The following TMED1 variants were observed in gnomAD, a reference collection of about 807,000 sequenced individuals.
The protein encoded by TMED1 is transmembrane emp24 domain-containing protein 1.
TMED1 carries 20 observed loss-of-function variants against 21.2 expected under a neutral mutation model. That is an observed-to-expected ratio of 0.95 (90% CI 0.67 to 1.37). The LOEUF is 1.37. Among genes scored for constraint, TMED1 ranks in the 40% most tolerant of loss-of-function variants. The pLI is 0.00. For missense variants in TMED1, 316 were observed against 309.8 expected, an observed-to-expected ratio of 1.02 and a Z score of -0.15; for synonymous variants, 149 against 134.7, an observed-to-expected ratio of 1.11 and a Z score of -0.74.
chr19:10,835,395 C>A, intron 1 of TMED1, 42 bp from the exon 2 acceptor site: 1 of 1,608,908 alleles, frequency 6.2e-7, no homozygotes, highest in Non-Finnish European at 8.5e-7. Flanking sequence ...AGCGGTAGGC[C>A]AAGGGCGCCT....
chr19:10,832,663 C>A lies in TMED1; in HGVS notation c.*332G>T. 1.7e-6 allele frequency: 1 copy of A among 578,218 alleles called. No individual in the cohort carries two copies. The highest frequency in any genetic ancestry group is 3.1e-6 in the Non-Finnish European group (1 of 325,126). 35.8% of individuals were successfully genotyped at this position (578,218 alleles called of 1,614,324 possible). ...GGTTTCCTTGTTAGGCCCTGCCCCG[C>A]ACCAGGCAACGCTAACACAGGATGG... On this transcript the variant is annotated 3_prime_UTR_variant, in exon 4 of 4. Coordinates refer to ENST00000214869, the MANE Select transcript of TMED1 (RefSeq NM_006858.4).
intron 1 of TMED1, chr19:10,835,568 C>A (rs909036184): frequency 2.8e-6 from 4 of 1,432,504 alleles, no homozygotes; most frequent in Middle Eastern, 2.6e-4. Context: ...TTCAGCTGAC[C>A]ACGCACCTAC....
chr19:10,835,767 T>C (rs1385204407), intron 1 of TMED1: 46 of 1,419,716 alleles, frequency 3.2e-5, no homozygotes, highest in Non-Finnish European at 4.0e-5. Context: ...AGAGGCTCCC[T>C]ATACTTATCG....
In TMED1 at chr19:10,833,214, C is replaced by CT. The variant is rs764233704; in HGVS notation, c.466-2dup. 6.2e-7 allele frequency: 1 copy of CT among 1,609,222 alleles called. No homozygotes were observed. The highest frequency in any genetic ancestry group is 8.5e-7 in the Non-Finnish European group (1 of 1,177,354). ...GGGTCCGCATGGTCTCAATGGACTCCTACAGGGCAGCGGGAGGGGAAGGGT... is the reference window on the plus strand; with the variant it reads ...GGGTCCGCATGGTCTCAATGGACTCCTTACAGGGCAGCGGGAGGGGAAGGGT... On this transcript the variant is annotated splice_acceptor_variant, in intron 3 of 3. Transcript: ENST00000214869. LOFTEE classifies it high-confidence loss of function.
chr19:10,832,661 C>A lies in TMED1; in HGVS notation c.*334G>T. 1 of 576,330 alleles carries A rather than the reference C, an allele frequency of 1.7e-6. No individual in the cohort carries two copies. Among genetic ancestry groups the A allele is most frequent in the Non-Finnish European group, 3.1e-6 (1 of 323,828 alleles). The allele number at this position is 576,330 out of a possible 1,614,324, so 35.7% of individuals were successfully genotyped here. On this transcript the variant is annotated 3_prime_UTR_variant, in exon 4 of 4. Coordinates refer to ENST00000214869, the MANE Select transcript of TMED1 (RefSeq NM_006858.4). ...CAGGTTTCCTTGTTAGGCCCTGCCC[C>A]GCACCAGGCAACGCTAACACAGGAT...
At chr19:10,835,674 G>C in intron 1 of TMED1, 1 of 1,397,892 alleles carries the variant, frequency 7.2e-7, no homozygotes, top group Non-Finnish European at 9.3e-7. Context: ...TCTAACCCCC[G>C]AGAAAGGCCT....
chr19:10,835,438 TCAATACAGACCAC>T, intron 1 of TMED1, 85 bp from the exon 2 acceptor site: 2 of 1,579,966 alleles, frequency 1.3e-6, no homozygotes, highest in Non-Finnish European at 1.7e-6. Context: ...CCAACACTGA[TCAATACAGACCAC>T]CAAGGGCTTA....
At position 10,835,487 on chromosome 19, in the gene TMED1, G is replaced by A. The variant is rs962284363; in HGVS notation, c.184-134C>T. The A allele has an allele frequency of 2.7e-6, 4 of 1,483,462 alleles. No individual in the cohort carries two copies. The African/African-American group carries it at 4.2e-5, about 15-fold the overall frequency. 91.9% of individuals were successfully genotyped at this position (1,483,462 alleles called of 1,614,324 possible). Reference sequence around the variant, plus strand: ...CCTGAACGGCGGCACACCCACACCCGCCCCAACCTGTCCCAGTGGCTGCGC... The same window carrying A: ...CCTGAACGGCGGCACACCCACACCCACCCCAACCTGTCCCAGTGGCTGCGC... On this transcript the variant is annotated intron_variant, in intron 1 of 3. Transcript: ENST00000214869.
chr19:10,835,808 T>C (rs1237820135), intron 1 of TMED1: 16 of 982,762 alleles, frequency 1.6e-5, no homozygotes, highest in Non-Finnish European at 1.9e-5. Flanking sequence ...TCTCTTACTC[T>C]AGCCCCGCCT....
rs762229103 is a variant in TMED1 at position 10,836,129 on chromosome 19, C to A, written c.63G>T (p.Val21=). The change falls in exon 1 of 4, where the codon GTG becomes GTT. Residue 21 remains valine, a synonymous_variant. Transcript: ENST00000214869. ...GGATTGGCGGGGGCCCCGCCCCTCC[C>A]ACCTCCACTGGTGGCATTAGTAGCC... ...ALWLLMPPVE[V]GGAGPPPIQD... is the part of the protein sequence containing the mutation. 3.6e-5 allele frequency: 57 copies of A among 1,570,304 alleles called. No individual in the cohort carries two copies. Among genetic ancestry groups the A allele is most frequent in the Non-Finnish European group, 4.7e-5 (55 of 1,159,016 alleles).
At chr19:10,835,962 G>A (rs756392257) in intron 1 of TMED1, 47 bp downstream of exon 1, 7 of 1,517,790 alleles carry the variant, frequency 4.6e-6, no homozygotes, top group Non-Finnish European at 6.2e-6. Flanking sequence ...GCTTGGCCAC[G>A]CCCCCTCTCC....
chr19:10,832,489 T>G lies in TMED1; in HGVS notation c.*506A>C. The G allele has an allele frequency of 2.8e-6, 2 of 714,546 alleles. No homozygotes were observed. The highest frequency in any genetic ancestry group is 4.1e-6 in the Non-Finnish European group (2 of 487,114). The allele number at this position is 714,546 out of a possible 1,614,324, so 44.3% of individuals were successfully genotyped here. Reference sequence around the variant, plus strand: ...TCCAATGCCCAGGCCACACCACCCTTTGTTATAGGAGGCTTCTGCCTAGAC... The same window carrying G: ...TCCAATGCCCAGGCCACACCACCCTGTGTTATAGGAGGCTTCTGCCTAGAC... On this transcript the variant is annotated 3_prime_UTR_variant, in exon 4 of 4. Coordinates refer to ENST00000214869, the MANE Select transcript of TMED1 (RefSeq NM_006858.4).
At chr19:10,834,454 C>CTT (rs769963664) in intron 3 of TMED1, among the ~76,000 whole-genome samples, 360 of 119,530 alleles carry the variant, frequency 3.0e-3, no homozygotes, top group Middle Eastern at 5.4e-3. Context: ...AAATGAACTA[C>CTT]TTTTTTTTTT....
At position 10,835,911 on chromosome 19, in the gene TMED1, G is replaced by C. The variant is rs567654744; in HGVS notation, c.183+98C>G. ...CTCCGCCCCCGCGCTCCCAAGCACG[G>C]ATTCCTCCCCCTTCCTCCTAAAGCG... is the stretch of plus-strand genomic sequence containing the variant. On this transcript the variant is annotated intron_variant, in intron 1 of 3. Coordinates refer to ENST00000214869, the MANE Select transcript of TMED1 (RefSeq NM_006858.4). 1.2e-3 allele frequency: 1,718 copies of C among 1,454,428 alleles called. 3 individuals are homozygous for C. Among genetic ancestry groups the C allele is most frequent in the Non-Finnish European group, 1.2e-3 (1,287 of 1,102,880 alleles). 90.1% of individuals were successfully genotyped at this position (1,454,428 alleles called of 1,614,324 possible).
At position 10,836,209 on chromosome 19, in the gene TMED1, C is replaced by T; in HGVS notation, c.-18G>A. 1 of 1,528,568 alleles carries T rather than the reference C, an allele frequency of 6.5e-7. No homozygotes were observed. The allele number at this position is 1,528,568 out of a possible 1,614,324, so 94.7% of individuals were successfully genotyped here. A position where few individuals can be genotyped will look rare whatever the true frequency, so the allele number is the denominator to read the frequency against. ...GCCATCATCCGGGTCACCCTCTGGT[C>T]TGCAAAGGGGTCGCGGCTCCTTTAA... is the stretch of plus-strand genomic sequence containing the variant. On this transcript the variant is annotated 5_prime_UTR_variant, in exon 1 of 4. Transcript: ENST00000214869.
In TMED1 at chr19:10,833,104, C is replaced by G; in HGVS notation, c.575G>C (p.Arg192Pro). 5.6e-6 allele frequency: 9 copies of G among 1,614,086 alleles called. No homozygotes were observed. Among genetic ancestry groups the G allele is most frequent in the Non-Finnish European group, 7.6e-6 (9 of 1,180,046 alleles). Residue 192 changes from arginine (R) to proline (P), a missense_variant, in exon 4 of 4, where the codon CGG (arginine) becomes CCG (proline). By Grantham distance (103) the Arg-to-Pro change is moderately radical (BLOSUM62 -2). Coordinates refer to ENST00000214869, the MANE Select transcript of TMED1 (RefSeq NM_006858.4). ...DRNLQEGNLE[R>P]VNFWSAVNVA... ...GTTGACAGCTGACCAGAAGTTGACCCGCTCCAAGTTGCCCTCTTGCAGGTT... is the reference window on the plus strand; with the variant it reads ...GTTGACAGCTGACCAGAAGTTGACCGGCTCCAAGTTGCCCTCTTGCAGGTT...
chr19:10,835,408 C>T, intron 1 of TMED1, 55 bp from the exon 2 acceptor site: 3 of 1,605,448 alleles, frequency 1.9e-6, no homozygotes, highest in Non-Finnish European at 2.6e-6. Context: ...GGGCGCCTGC[C>T]GAAGAGGGCT....
chr19:10,835,542 G>C, intron 1 of TMED1, 189 bp from the exon 2 acceptor site: 1 of 1,445,332 alleles, frequency 6.9e-7, no homozygotes, highest in East Asian at 2.5e-5. Flanking sequence ...TGATATGACA[G>C]CTTGGGGTCC....
intron 1 of TMED1, chr19:10,835,741 A>T: frequency 7.1e-7 from 1 of 1,404,116 alleles, no homozygotes. Flanking sequence ...CCCACCAGCC[A>T]GAGTCCTGTC....
Sources: gnomAD v4.1 joint callset for allele counts (sites outside exome capture counted in the v4.1 genomes callset) on GRCh38, gnomAD v4.1.1 for gene constraint, MANE v1.5 for transcripts, NCBI Gene and HGNC (gene_info 2026-07-23, HGNC 2026-07-21) for gene names.